The following B3GALT9 variants were observed in gnomAD, a reference collection of about 807,000 sequenced individuals.
The protein encoded by B3GALT9 is beta-1,3-galactosyltransferase 9, also known as UDP-GlcNAc:betaGal beta-1,3-N-acetylglucosaminyltransferase 10 (putative).
At chr9:120,794,377 G>A (rs1288792687) in intron 1 of B3GALT9, among the ~76,000 whole-genome samples, 5 of 150,248 alleles carry the variant, frequency 3.3e-5, no homozygotes, top group Non-Finnish European at 5.9e-5. Flanking sequence ...TCACTCTGTC[G>A]CCCAGGCTGG....
At chr9:120,796,886 G>A (rs537759897) in intron 2 of B3GALT9, among the ~76,000 whole-genome samples, 90 of 151,812 alleles carry the variant, frequency 5.9e-4, no homozygotes, top group Non-Finnish European at 9.1e-4. Flanking sequence ...GTGAAACTCC[G>A]TCTCTACTAC....
Position 120,800,116 on chromosome 9 carries a change from A to C in B3GALT9, c.*438A>C, listed in dbSNP as rs1355299188. 2.4e-5 allele frequency among the ~76,000 whole-genome samples: 3 copies of C among 122,860 alleles called. No individual in the cohort carries two copies. The highest frequency in any genetic ancestry group is 9.4e-5 in the African/African-American group (3 of 32,048). The allele number at this position is 122,860 out of a possible 152,430, so 80.6% of individuals were successfully genotyped here. A position where few individuals can be genotyped will look rare whatever the true frequency, so the allele number is the denominator to read the frequency against. On this transcript the variant is annotated 3_prime_UTR_variant, in exon 3 of 3. Coordinates refer to ENST00000689072, the MANE Select transcript of B3GALT9 (RefSeq NM_001386823.1). The stretch of plus-strand genomic sequence containing the variant: ...AGGCATGTGCCACCATACCCGGCTA[A>C]TTTTTTTTTTTTTTTTTCGGAGACA...
Position 120,799,780 on chromosome 9 carries a change from A to C in B3GALT9, c.*102A>C. On this transcript the variant is annotated 3_prime_UTR_variant, in exon 3 of 3. Transcript: ENST00000689072. ...CCCATGTTTTATGTAGGTTCTCTGA[A>C]TCTTTAATTTTATTTGCAAAGGTAC... 2.5e-6 allele frequency: 1 copy of C among 397,228 alleles called. No homozygotes were observed. The highest frequency in any genetic ancestry group is 4.4e-6 in the Non-Finnish European group (1 of 225,880). 24.6% of individuals were successfully genotyped at this position (397,228 alleles called of 1,614,324 possible). A position where few individuals can be genotyped will look rare whatever the true frequency, so the allele number is the denominator to read the frequency against.
In B3GALT9 at chr9:120,797,905, T is replaced by A. The variant is rs1588059417; in HGVS notation, c.7-670T>A. Among the ~76,000 whole-genome samples the A allele has an allele frequency of 1.3e-5, 2 of 152,318 alleles. 1 individual carries two copies. The highest frequency in any genetic ancestry group is 4.1e-4 in the South Asian group (2 of 4,828). ...TGAGGTAGAGTAAGCTTGGCCTAGG[T>A]CTATCTTACATCTCTGAAGAGGTGC... On this transcript the variant is annotated intron_variant, in intron 2 of 2. Transcript: ENST00000689072.
At position 120,793,778 on chromosome 9, in the gene B3GALT9, G is replaced by A; in HGVS notation, c.-326G>A. ...TGTCCAAATTCATACAACCTGTTGG[G>A]CACCTCTTTATCCCGAACGCTGTTC... is the stretch of plus-strand genomic sequence containing the variant. On this transcript the variant is annotated 5_prime_UTR_variant, in exon 1 of 3. Coordinates refer to ENST00000689072, the MANE Select transcript of B3GALT9 (RefSeq NM_001386823.1). 5.0e-6 allele frequency: 2 copies of A among 397,142 alleles called. No individual in the cohort carries two copies. Among genetic ancestry groups the A allele is most frequent in the Non-Finnish European group, 8.9e-6 (2 of 225,354 alleles). 24.6% of individuals were successfully genotyped at this position (397,142 alleles called of 1,614,324 possible). A position where few individuals can be genotyped will look rare whatever the true frequency, so the allele number is the denominator to read the frequency against.
chr9:120,798,150 T>G (rs989273545), intron 2 of B3GALT9, among the ~76,000 whole-genome samples: 6 of 152,254 alleles, frequency 3.9e-5, no homozygotes, highest in Admixed American at 2.0e-4. Flanking sequence ...TGGATCCAGG[T>G]GTTCCCATTC....
chr9:120,799,935 G>T lies in B3GALT9; in HGVS notation c.*257G>T. The T allele has an allele frequency of 3.9e-6, 1 of 259,102 alleles. No homozygotes were observed. Among genetic ancestry groups the T allele is most frequent in the Non-Finnish European group, 6.9e-6 (1 of 145,480 alleles). The allele number at this position is 259,102 out of a possible 1,614,324, so 16.1% of individuals were successfully genotyped here. On this transcript the variant is annotated 3_prime_UTR_variant, in exon 3 of 3. Coordinates refer to ENST00000689072, the MANE Select transcript of B3GALT9 (RefSeq NM_001386823.1). ...AAAAGAGAGAACATTATGTTTCATTGTTTATTTAGTTTTCGTTTTTTTTTT... is the reference window on the plus strand; with the variant it reads ...AAAAGAGAGAACATTATGTTTCATTTTTTATTTAGTTTTCGTTTTTTTTTT...
Position 120,798,894 on chromosome 9 carries a change from A to G in B3GALT9, c.326A>G (p.Asn109Ser), listed in dbSNP as rs1202326338. The change falls in exon 3 of 3, where the codon AAT becomes AGT. Residue 109 changes from asparagine to serine, a missense_variant. Asn to Ser is a conservative substitution (Grantham distance 46). Transcript: ENST00000689072. ...RRDLIRKTWG[N>S]VTSVQGHPIL... Reference sequence around the variant, plus strand: ...GACCTCATTAGGAAAACTTGGGGCAATGTGACCAGTGTCCAAGGGCATCCC... The same window carrying G: ...GACCTCATTAGGAAAACTTGGGGCAGTGTGACCAGTGTCCAAGGGCATCCC... 3 of 399,026 alleles carry G rather than the reference A, an allele frequency of 7.5e-6. No homozygotes were observed. Among genetic ancestry groups the G allele is most frequent in the East Asian group, 3.6e-5 (1 of 28,090 alleles). 24.7% of individuals were successfully genotyped at this position (399,026 alleles called of 1,614,324 possible).
At chr9:120,798,439 TA>T (rs776857269) in intron 2 of B3GALT9, 135 bp from the exon 3 acceptor site, 1 of 397,334 alleles carries the variant, frequency 2.5e-6, no homozygotes, top group Non-Finnish European at 4.4e-6. Flanking sequence ...GTGGAAGAAA[TA>T]GATAATATAT....
intron 2 of B3GALT9, among the ~76,000 whole-genome samples, chr9:120,796,972 A>G (rs113877263): frequency 0.01 from 1,536 of 151,056 alleles, 34 homozygotes; most frequent in African/African-American, 0.035. Context: ...CAGGAAAATC[A>G]CTTGAACCTG....
intron 1 of B3GALT9, among the ~76,000 whole-genome samples, chr9:120,795,294 CTCAACCCCAGTACAGTTTGATGAA>C (rs553750628): frequency 3.2e-3 from 493 of 152,264 alleles, no homozygotes; most frequent in Non-Finnish European, 4.2e-3. Flanking sequence ...AGCAAACATT[CTCAACCCCAGTACAGTTTGATGAA>C]TCAAATTGAA....
chr9:120,797,203 A>G (rs921345126), intron 2 of B3GALT9, among the ~76,000 whole-genome samples: 11 of 151,668 alleles, frequency 7.3e-5, no homozygotes, highest in East Asian at 3.9e-4. Context: ...TGATTCTCCA[A>G]TGGTTAAGAG....
rs896440264 is a variant in B3GALT9 at position 120,799,175 on chromosome 9, C to T, written c.607C>T (p.His203Tyr). ...LVDYLLNLKE[H>Y]LEDIYVGRVL... is the part of the protein sequence containing the mutation. Reference sequence around the variant, plus strand: ...AGACTATCTTCTCAATCTGAAAGAACACCTAGAAGATATCTATGTAGGAAG... The same window carrying T: ...AGACTATCTTCTCAATCTGAAAGAATACCTAGAAGATATCTATGTAGGAAG... Residue 203 changes from histidine to tyrosine, a missense_variant, in exon 3 of 3, where the codon CAC (histidine) becomes TAC (tyrosine). Coordinates refer to ENST00000689072, the MANE Select transcript of B3GALT9 (RefSeq NM_001386823.1). The T allele has an allele frequency of 5.0e-6, 2 of 398,942 alleles. No homozygotes were observed. The highest frequency in any genetic ancestry group is 8.8e-6 in the Non-Finnish European group (2 of 226,070). 24.7% of individuals were successfully genotyped at this position (398,942 alleles called of 1,614,324 possible).
intron 2 of B3GALT9, among the ~76,000 whole-genome samples, chr9:120,797,638 T>G (rs2131405205): frequency 6.6e-6 from 1 of 152,312 alleles, no homozygotes; most frequent in African/African-American, 2.4e-5. Context: ...CTCAGCTTAA[T>G]TACGAAAATA....
chr9:120,799,856 TAAA>T lies in B3GALT9; in HGVS notation c.*182_*184del. On this transcript the variant is annotated 3_prime_UTR_variant, in exon 3 of 3. Transcript: ENST00000689072. ...CTCAATTACTGAGATCTCAAATTTT[TAAA>T]AAATTTAAGTTGGTGTAGCATAATT... The T allele has an allele frequency of 2.6e-6, 1 of 389,500 alleles. No individual in the cohort carries two copies. Among genetic ancestry groups the T allele is most frequent in the South Asian group, 1.4e-4 (1 of 6,938 alleles). 24.1% of individuals were successfully genotyped at this position (389,500 alleles called of 1,614,324 possible). A position where few individuals can be genotyped will look rare whatever the true frequency, so the allele number is the denominator to read the frequency against.
In B3GALT9 at chr9:120,793,687, T is replaced by C. The variant is rs1489382776; in HGVS notation, c.-417T>C. The C allele has an allele frequency of 5.0e-6, 2 of 398,608 alleles. No individual in the cohort carries two copies. The highest frequency in any genetic ancestry group is 7.1e-5 in the East Asian group (2 of 28,090). 24.7% of individuals were successfully genotyped at this position (398,608 alleles called of 1,614,324 possible). On this transcript the variant is annotated 5_prime_UTR_variant, in exon 1 of 3. An upstream open reading frame in the 5' UTR loses its in-frame stop. Coordinates refer to ENST00000689072, the MANE Select transcript of B3GALT9 (RefSeq NM_001386823.1). ...ATCTGATCTTGCACCAGCTCTGCAGTAGTTTTTCTTATTATCCTCATTTTA... is the reference window on the plus strand; with the variant it reads ...ATCTGATCTTGCACCAGCTCTGCAGCAGTTTTTCTTATTATCCTCATTTTA...
rs1475390724 is a variant in B3GALT9, at chr9:120,793,869, G to C, written c.-235G>C. On this transcript the variant is annotated 5_prime_UTR_variant, in exon 1 of 3. Coordinates refer to ENST00000689072, the MANE Select transcript of B3GALT9 (RefSeq NM_001386823.1). ...GACCGCCTGGGCCTTACATCTATTA[G>C]GAGGAGGAAGACAGATAAACTAAGG... is the stretch of plus-strand genomic sequence containing the variant. The C allele has an allele frequency of 2.6e-6, 1 of 384,650 alleles. No individual in the cohort carries two copies. The highest frequency in any genetic ancestry group is 4.6e-6 in the Non-Finnish European group (1 of 218,008). The allele number at this position is 384,650 out of a possible 1,614,324, so 23.8% of individuals were successfully genotyped here.
chr9:120,796,988 C>T (rs1222243897), intron 2 of B3GALT9, among the ~76,000 whole-genome samples: 4 of 144,676 alleles, frequency 2.8e-5, no homozygotes, highest in East Asian at 2.2e-4. Context: ...ACCTGGGAGG[C>T]GGAGGTTGCA....
In B3GALT9 at chr9:120,799,267, C is replaced by T. The variant is rs2044956616; in HGVS notation, c.699C>T (p.Tyr233=). Residue 233 remains tyrosine, a synonymous_variant, in exon 3 of 3, where the codon TAC becomes TAT. Transcript: ENST00000689072. ...GAGACTTTGTCCCTCTTAGTGAGTACCCAGAAAAATACTACCCAGATTACT... is the reference window on the plus strand; with the variant it reads ...GAGACTTTGTCCCTCTTAGTGAGTATCCAGAAAAATACTACCCAGATTACT... ...QNRDFVPLSE[Y]PEKYYPDYCS... 6 of 399,198 alleles carry T rather than the reference C, an allele frequency of 1.5e-5. No homozygotes were observed. The Admixed American group carries it at 1.8e-4, about 12-fold the overall frequency. 24.7% of individuals were successfully genotyped at this position (399,198 alleles called of 1,614,324 possible).
Sources: gnomAD v4.1 joint callset for allele counts (sites outside exome capture counted in the v4.1 genomes callset) on GRCh38, gnomAD v4.1.1 for gene constraint, MANE v1.5 for transcripts, NCBI Gene and HGNC (gene_info 2026-07-23, HGNC 2026-07-21) for gene names.